The following HEPH variants were observed in gnomAD, a reference collection of about 807,000 sequenced individuals.
The protein encoded by HEPH is hephaestin.
In HEPH, 69 loss-of-function variants were observed where a neutral mutation model predicts 80.8. That is an observed-to-expected ratio of 0.85 (90% CI 0.70 to 1.04). The LOEUF is 1.04. Ranked by LOEUF, HEPH falls within the 50% of genes least tolerant of loss-of-function variation. The probability of loss-of-function intolerance (pLI) is 0.00; values close to 1 mark genes in which losing one functional copy is unlikely to be tolerated. For missense variants in HEPH, 1,115 were observed against 891.3 expected, an observed-to-expected ratio of 1.25 and a Z score of -3.20; for synonymous variants, 431 against 322.8, an observed-to-expected ratio of 1.34 and a Z score of -3.60.
chrX:66,227,912 T>A (rs1188572980), intron 15 of HEPH, among the ~76,000 whole-genome samples: 1 of 111,451 alleles, frequency 9.0e-6, no homozygotes, highest in Admixed American at 9.6e-5. Flanking sequence ...TTTTAGGATT[T>A]TTTTTCTAGT....
At chrX:66,204,814 T>C (rs910645112) in intron 13 of HEPH, among the ~76,000 whole-genome samples, 2 of 111,992 alleles carry the variant, frequency 1.8e-5, no homozygotes, top group African/African-American at 6.5e-5. Flanking sequence ...GATCTTATAA[T>C]TTAAAAAAAA....
chrX:66,196,707 G>A (rs2088122093), intron 9 of HEPH, among the ~76,000 whole-genome samples: 1 of 111,557 alleles, frequency 9.0e-6, no homozygotes, highest in Admixed American at 9.5e-5. Context: ...ATCAGCACTG[G>A]GGAAATCTTT....
At position 66,256,134 on chromosome X, in the gene HEPH, G is replaced by A. The variant is rs145064172; in HGVS notation, c.2700G>A (p.Leu900=). The part of the protein sequence containing the change: ...KDMYSGLVGP[L]AICQKGILEP... ...TGTATAGTGGCCTGGTGGGGCCCTTGGCTATCTGCCAAAAGGGCATCCTGG... is the reference window on the plus strand; with the variant it reads ...TGTATAGTGGCCTGGTGGGGCCCTTAGCTATCTGCCAAAAGGGCATCCTGG... Residue 900 remains leucine, a synonymous_variant, in exon 17 of 21, where the codon TTG becomes TTA. Coordinates refer to ENST00000343002, the MANE Select transcript of HEPH (RefSeq NM_001367233.3). The A allele has an allele frequency of 4.6e-5, 56 of 1,208,725 alleles. No homozygotes were observed. In the African/African-American group the frequency reaches 9.3e-4, roughly 20 times the overall value.
chrX:66,239,995 A>C (rs1349731487), intron 15 of HEPH, among the ~76,000 whole-genome samples: 2 of 111,781 alleles, frequency 1.8e-5, no homozygotes, highest in African/African-American at 6.5e-5. Context: ...CATACTCCTG[A>C]GAAACAAACA....
chrX:66,252,363 T>A (rs760893787), intron 15 of HEPH, among the ~76,000 whole-genome samples: 9 of 111,444 alleles, frequency 8.1e-5, no homozygotes, highest in Non-Finnish European at 1.3e-4. Flanking sequence ...TGGAGAGAAG[T>A]TCATGTAAAC....
chrX:66,266,909 T>A lies in HEPH; in HGVS notation c.*237T>A. 1 of 352,890 alleles carries A rather than the reference T, an allele frequency of 2.8e-6. No homozygotes were observed. Among genetic ancestry groups the A allele is most frequent in the Non-Finnish European group, 4.9e-6 (1 of 204,949 alleles). 29.1% of individuals were successfully genotyped at this position (352,890 alleles called of 1,213,427 possible). The stretch of plus-strand genomic sequence containing the variant: ...ACCTGGCACTAAGGGAGTACCTTAT[T>A]ATCCTACATCGCAAATTTCAACAGC... On this transcript the variant is annotated 3_prime_UTR_variant, in exon 21 of 21. Transcript: ENST00000343002.
chrX:66,217,288 A>T (rs1424590066), intron 15 of HEPH, among the ~76,000 whole-genome samples: 1 of 111,266 alleles, frequency 9.0e-6, no homozygotes, highest in Non-Finnish European at 1.9e-5. Context: ...AGGCAAAAGC[A>T]CCAGGTAACA....
At chrX:66,203,240 A>G (rs774437447) in intron 12 of HEPH, 124 bp from the exon 13 acceptor site, 32 of 520,262 alleles carry the variant, frequency 6.2e-5, no homozygotes, top group Admixed American at 5.6e-4. Context: ...TTAAGGCAAG[A>G]GCCTTATCTG....
At position 66,195,529 on chromosome X, in the gene HEPH, A is replaced by C. The variant is rs2088040169; in HGVS notation, c.1501+300A>C. Among the ~76,000 whole-genome samples the C allele has an allele frequency of 2.7e-5, 3 of 111,572 alleles. 1 individual carries two copies. The South Asian group carries it at 1.1e-3, about 41-fold the overall frequency. ...TTTATAGATTGTCATATAAATTTTG[A>C]TATACCTTTAAATATTTTTATGTGC... On this transcript the variant is annotated intron_variant, in intron 9 of 20. Transcript: ENST00000343002.
intron 4 of HEPH, among the ~76,000 whole-genome samples, 193 bp downstream of exon 4, chrX:66,173,994 CTTTG>C (rs778697316): frequency 5.1e-4 from 56 of 109,287 alleles, no homozygotes; most frequent in African/African-American, 1.0e-3. Context: ...TACTTTTTTT[CTTTG>C]TTTGTGGGTT....
chrX:66,255,376 C>A (rs1468537476), intron 16 of HEPH, among the ~76,000 whole-genome samples: 1 of 63,705 alleles, frequency 1.6e-5, no homozygotes, highest in East Asian at 5.1e-4. Context: ...TCCTATAAAG[C>A]AACATGTTCT....
At chrX:66,175,310 T>C (rs1444010180) in intron 4 of HEPH, among the ~76,000 whole-genome samples, 2 of 111,736 alleles carry the variant, frequency 1.8e-5, no homozygotes, top group African/African-American at 6.5e-5. Context: ...CAAAGATCAG[T>C]TGGCTGTAAG....
intron 3 of HEPH, 82 bp downstream of exon 3, chrX:66,172,681 T>G: frequency 1.0e-6 from 1 of 986,970 alleles, no homozygotes; most frequent in Non-Finnish European, 1.4e-6. Context: ...GAAGAACTGG[T>G]AGTGAAGATT....
chrX:66,250,118 C>T (rs185477759), intron 15 of HEPH, among the ~76,000 whole-genome samples: 1 of 111,399 alleles, frequency 9.0e-6, no homozygotes, highest in Admixed American at 9.5e-5. Context: ...TGTAATTCTA[C>T]ATGGTTTTTT....
rs72552360 is a variant in HEPH at position 66,233,059 on chromosome X, A to T, written c.2564-21976A>T. ...AGCATGATTATGATCTAAGCAAAAA[A>T]TGGGCTTACTTAAGTAAAAATGCAG... On this transcript the variant is annotated intron_variant, in intron 15 of 20. Transcript: ENST00000343002. Among the ~76,000 whole-genome samples, 923 of 111,646 alleles carry T rather than the reference A, an allele frequency of 8.3e-3. 12 individuals are homozygous for T. Among genetic ancestry groups the T allele is most frequent in the African/African-American group, 0.028 (847 of 30,765 alleles).
chrX:66,189,964 G>T (rs752496844), intron 6 of HEPH, 26 bp downstream of exon 6: 8 of 1,150,714 alleles, frequency 7.0e-6, no homozygotes, highest in African/African-American at 1.8e-5. Context: ...TCTGACCATT[G>T]GGTTGTAAGA....
At chrX:66,171,379 G>A (rs748774501) in intron 2 of HEPH, 5 of 147,766 alleles carry the variant, frequency 3.4e-5, no homozygotes, top group African/African-American at 6.4e-5. Context: ...TTTGAACCTC[G>A]ATAATGAGAA....
At chrX:66,189,285 TAGTC>T (rs1253896135) in intron 5 of HEPH, among the ~76,000 whole-genome samples, 2 of 112,453 alleles carry the variant, frequency 1.8e-5, no homozygotes, top group Admixed American at 9.4e-5. Context: ...CCATGTTAAT[TAGTC>T]AGCCAATTTG....
upstream of HEPH, among the ~76,000 whole-genome samples, chrX:66,163,552 T>TA (rs887116389): frequency 6.3e-5 from 7 of 110,914 alleles, no homozygotes; most frequent in Admixed American, 5.7e-4. Flanking sequence ...AATGTATATA[T>TA]AAAAAAATCC....
Sources: allele counts gnomAD v4.1 joint callset (sites outside exome capture counted in the v4.1 genomes callset), GRCh38; gene constraint gnomAD v4.1.1; transcripts MANE v1.5; gene names NCBI Gene and HGNC (gene_info 2026-07-23, HGNC 2026-07-21).